SPAG9: variants seen among roughly 807,000 people sequenced by gnomAD.
The protein encoded by SPAG9 is sperm associated antigen 9.
A neutral mutation model predicts 166.5 loss-of-function variants in SPAG9; 35 were observed. The observed-to-expected ratio is 0.21, with a 90% CI of 0.16 to 0.28. The LOEUF is 0.28. Among genes scored for constraint, SPAG9 ranks in the 10% least tolerant of loss-of-function variants. The pLI is 1.00. For missense variants in SPAG9, 1,235 were observed against 1,603.3 expected (o/e 0.77, Z 3.92); for synonymous variants, 534 against 565.5 (o/e 0.94, Z 0.79).
chr17:51,000,182 GA>G (rs1384270982), intron 13 of SPAG9, among the ~76,000 whole-genome samples: 1 of 152,070 alleles, frequency 6.6e-6, no homozygotes, highest in Non-Finnish European at 1.5e-5. Context: ...TCCATCACTG[GA>G]AAGATGACCA....
intron 21 of SPAG9, among the ~76,000 whole-genome samples, chr17:50,988,309 G>A (rs745933946): frequency 5.8e-4 from 89 of 152,284 alleles, no homozygotes; most frequent in Admixed American, 3.9e-4. Flanking sequence ...ACCTTGAGCA[G>A]TAGGATATGA....
At chr17:51,113,186 T>C (rs1320940951) in intron 1 of SPAG9, among the ~76,000 whole-genome samples, 2 of 149,886 alleles carry the variant, frequency 1.3e-5, no homozygotes, top group Non-Finnish European at 3.0e-5. Flanking sequence ...AAACCCCATC[T>C]TTACTACAAA....
At chr17:51,010,528 G>C (rs2045424529) in intron 9 of SPAG9, among the ~76,000 whole-genome samples, 1 of 143,574 alleles carries the variant, frequency 7.0e-6, no homozygotes, top group South Asian at 2.2e-4. Context: ...GATCAAGGCA[G>C]AATTCCTGGA....
At chr17:50,972,830 A>C (rs1973928948) in intron 28 of SPAG9, among the ~76,000 whole-genome samples, 1 of 152,272 alleles carries the variant, frequency 6.6e-6, no homozygotes, top group African/African-American at 2.4e-5. Context: ...CTGCCACAGA[A>C]GCAAGAGCAC....
chr17:50,986,529 G>T (rs182947218), intron 22 of SPAG9, among the ~76,000 whole-genome samples: 1 of 152,280 alleles, frequency 6.6e-6, no homozygotes, highest in Admixed American at 6.5e-5. Flanking sequence ...CATAACAGTG[G>T]TCAAAGAGTT....
At chr17:51,049,787 G>A (rs982564326) in intron 3 of SPAG9, among the ~76,000 whole-genome samples, 30 of 152,248 alleles carry the variant, frequency 2.0e-4, no homozygotes, top group African/African-American at 7.2e-4. Context: ...TAGTAGAGAC[G>A]GGGTTTCACC....
chr17:51,051,598 T>C (rs1233996464), intron 3 of SPAG9, among the ~76,000 whole-genome samples: 2 of 152,140 alleles, frequency 1.3e-5, no homozygotes, highest in South Asian at 2.1e-4. Flanking sequence ...CATGTGCCTA[T>C]AGTCCCAGCT....
chr17:51,089,609 TAC>T (rs1465188336), intron 1 of SPAG9, among the ~76,000 whole-genome samples: 4 of 123,260 alleles, frequency 3.2e-5, no homozygotes, highest in Non-Finnish European at 4.8e-5. Flanking sequence ...TGTATATATA[TAC>T]ACTTTATTTT....
intron 7 of SPAG9, among the ~76,000 whole-genome samples, chr17:51,020,621 C>T (rs2045903408): frequency 6.6e-6 from 1 of 152,178 alleles, no homozygotes; most frequent in African/African-American, 2.4e-5. Flanking sequence ...GGTTCTGTGA[C>T]CTCCTGGCCC....
At chr17:50,977,966 G>A (rs1974315268) in intron 26 of SPAG9, among the ~76,000 whole-genome samples, 2 of 152,208 alleles carry the variant, frequency 1.3e-5, no homozygotes, top group Non-Finnish European at 2.9e-5. Flanking sequence ...AGTTTTCTTT[G>A]CACAGATAAA....
intron 11 of SPAG9, 45 bp downstream of exon 11, chr17:51,006,040 T>C (rs1443972126): frequency 6.2e-7 from 1 of 1,603,160 alleles, no homozygotes; most frequent in Non-Finnish European, 8.5e-7. Context: ...CTTTGTGGCA[T>C]AACTGGCAAA....
At chr17:51,072,545 T>TAGATCTC (rs2047851788) in intron 2 of SPAG9, among the ~76,000 whole-genome samples, 1 of 151,350 alleles carries the variant, frequency 6.6e-6, no homozygotes, top group Non-Finnish European at 1.5e-5. Context: ...TAGCCAGGTG[T>TAGATCTC]GGTGGCACGC....
Position 51,001,817 on chromosome 17 carries a change from C to A in SPAG9, c.1505G>T (p.Arg502Leu). 1 of 1,613,490 alleles carries A rather than the reference C, an allele frequency of 6.2e-7. No individual in the cohort carries two copies. Among genetic ancestry groups the A allele is most frequent in the Non-Finnish European group, 8.5e-7 (1 of 1,179,632 alleles). Residue 502 changes from arginine to leucine, a missense_variant, in exon 13 of 30, where the codon CGG becomes CTG. Around this residue, in one of 6 missense-constraint regions of SPAG9, gnomAD observed 125 missense variants for 194.0 expected, o/e 0.64. Transcript: ENST00000262013. ...ACGGGCCATTTCTACTCTAGTAAAC[C>A]GTTTCCTCTGGGCTGTGGGAATATC... ...DSDIPTAQRK[R>L]FTRVEMARVL...
intron 1 of SPAG9, among the ~76,000 whole-genome samples, chr17:51,095,296 TAAAAA>T (rs71149343): frequency 4.8e-5 from 4 of 83,516 alleles, no homozygotes; most frequent in East Asian, 3.7e-4. Context: ...ACTCCATCTT[TAAAAA>T]AAAAAAAAAA....
In SPAG9 at chr17:51,052,230, G is replaced by C. The variant is rs138055148; in HGVS notation, c.495+4182C>G. On this transcript the variant is annotated intron_variant, in intron 3 of 29. Coordinates refer to ENST00000262013, the MANE Select transcript of SPAG9 (RefSeq NM_001130528.3). ...AAAAGGTTAAGGTTAAACCCCTTCAGGCTTCCTTTCCCTGAATGTTTTCAG... is the reference window on the plus strand; with the variant it reads ...AAAAGGTTAAGGTTAAACCCCTTCACGCTTCCTTTCCCTGAATGTTTTCAG... Among the ~76,000 whole-genome samples, 6 of 152,298 alleles carry C rather than the reference G, an allele frequency of 3.9e-5. No homozygotes were observed. The East Asian group carries it at 1.2e-3, about 29-fold the overall frequency.
intron 3 of SPAG9, among the ~76,000 whole-genome samples, chr17:51,050,830 A>G (rs1379830458): frequency 1.3e-5 from 2 of 152,056 alleles, no homozygotes; most frequent in Non-Finnish European, 2.9e-5. Context: ...TGGGTCCACC[A>G]GGTCCATTGC....
chr17:51,043,452 T>G (rs1054507062), intron 4 of SPAG9, among the ~76,000 whole-genome samples: 1 of 152,218 alleles, frequency 6.6e-6, no homozygotes, highest in African/African-American at 2.4e-5. Flanking sequence ...TGAAAATGAC[T>G]GACCCTTATT....
intron 1 of SPAG9, among the ~76,000 whole-genome samples, chr17:51,111,025 A>G (rs1319145390): frequency 6.6e-6 from 1 of 151,990 alleles, no homozygotes; most frequent in East Asian, 1.9e-4. Flanking sequence ...CTGAGGCAGG[A>G]GAATCGCTTG....
chr17:51,031,784 C>G, intron 5 of SPAG9, 62 bp from the exon 6 acceptor site: 1 of 1,238,138 alleles, frequency 8.1e-7, no homozygotes, highest in Non-Finnish European at 1.2e-6. Context: ...TTTAACACAG[C>G]TGTAACTTTG....
Sources: gnomAD v4.1 joint callset for allele counts (sites outside exome capture counted in the v4.1 genomes callset) on GRCh38, gnomAD v4.1.1 for gene constraint, gnomAD v4.1.1 regional missense constraint, MANE v1.5 for transcripts, NCBI Gene and HGNC (gene_info 2026-07-23, HGNC 2026-07-21) for gene names.